Variants in RAPGEF1 observed in about 807,000 individuals in gnomAD.
The protein encoded by RAPGEF1 is Rap guanine nucleotide exchange factor 1, also known as CRK SH3-binding GNRP.
In RAPGEF1, 33 loss-of-function variants were observed where a neutral mutation model predicts 143.3. The observed-to-expected ratio is 0.23, with a 90% CI of 0.17 to 0.31. RAPGEF1 has a LOEUF of 0.31. Ranked by LOEUF, RAPGEF1 falls within the 10% of genes least tolerant of loss-of-function variation. RAPGEF1 has a pLI of 1.00. For missense variants in RAPGEF1, 1,199 were observed against 1,645.4 expected (o/e 0.73, Z 4.69); for synonymous variants, 629 against 676.5 (o/e 0.93, Z 1.09).
chr9:131,678,846 A>G (rs1306676797), intron 1 of RAPGEF1, among the ~76,000 whole-genome samples: 1 of 151,998 alleles, frequency 6.6e-6, no homozygotes, highest in Non-Finnish European at 1.5e-5. Flanking sequence ...TCCTCAGAGC[A>G]CCTTTCTTCA....
intron 1 of RAPGEF1, among the ~76,000 whole-genome samples, chr9:131,668,276 G>A (rs1007291785): frequency 6.6e-6 from 1 of 152,146 alleles, no homozygotes; most frequent in African/African-American, 2.4e-5. Context: ...TTCCCTCCCG[G>A]AGCCCAATCA....
intron 12 of RAPGEF1, among the ~76,000 whole-genome samples, chr9:131,607,583 G>C (rs146569009): frequency 5.5e-4 from 83 of 152,164 alleles, no homozygotes; most frequent in African/African-American, 1.8e-3. Context: ...CGTGCTGCTG[G>C]GGGGGCTGCC....
chr9:131,598,968 G>A (rs1396561151), intron 15 of RAPGEF1, among the ~76,000 whole-genome samples: 1 of 151,932 alleles, frequency 6.6e-6, no homozygotes, highest in Non-Finnish European at 1.5e-5. Flanking sequence ...GGGATTACAG[G>A]CACATGCCAC....
intron 1 of RAPGEF1, among the ~76,000 whole-genome samples, chr9:131,721,389 G>A (rs1476708398): frequency 6.6e-6 from 1 of 152,092 alleles, no homozygotes; most frequent in Non-Finnish European, 1.5e-5. Flanking sequence ...TCTGGTGTCC[G>A]GATATCTAAC....
Position 131,628,798 on chromosome 9 carries a change from A to T in RAPGEF1, c.894-126T>A. Reference sequence around the variant, plus strand: ...TCTCCACACCCAATGTTCACACTTCAACTCCTGCCTACTCCCCTCCGCCAA... The same window carrying T: ...TCTCCACACCCAATGTTCACACTTCTACTCCTGCCTACTCCCCTCCGCCAA... On this transcript the variant is annotated intron_variant, in intron 7 of 26. Transcript: ENST00000683357. The surrounding 1 kb of genome is among the most constrained non-coding windows in gnomAD (Gnocchi z 5.7). 5.4e-6 allele frequency: 7 copies of T among 1,293,178 alleles called. No individual in the cohort carries two copies. The highest frequency in any genetic ancestry group is 7.4e-6 in the Non-Finnish European group (7 of 946,238). 80.1% of individuals were successfully genotyped at this position (1,293,178 alleles called of 1,614,324 possible). A position where few individuals can be genotyped will look rare whatever the true frequency, so the allele number is the denominator to read the frequency against.
intron 1 of RAPGEF1, among the ~76,000 whole-genome samples, chr9:131,716,439 GA>G (rs1415233042): frequency 1.3e-5 from 2 of 152,174 alleles, no homozygotes; most frequent in African/African-American, 4.8e-5. Context: ...AGACTTGGTG[GA>G]AAGTCTAAAT....
intron 1 of RAPGEF1, among the ~76,000 whole-genome samples, chr9:131,696,046 C>T (rs1005984079): frequency 3.3e-5 from 5 of 152,178 alleles, no homozygotes; most frequent in African/African-American, 1.2e-4. Flanking sequence ...GAGCTGCTTC[C>T]CTTCCCTGTG....
chr9:131,629,958 CATT>C, intron 6 of RAPGEF1, among the ~76,000 whole-genome samples: 1 of 152,188 alleles, frequency 6.6e-6, no homozygotes, highest in African/African-American at 2.4e-5. Flanking sequence ...AGTTCTTTGT[CATT>C]ATGAAACGAA....
intron 12 of RAPGEF1, among the ~76,000 whole-genome samples, chr9:131,618,192 T>G (rs1959402567): frequency 6.6e-6 from 1 of 152,260 alleles, no homozygotes; most frequent in Non-Finnish European, 1.5e-5. Context: ...CTAAGGGGCC[T>G]TGCACGCTTC....
intron 5 of RAPGEF1, among the ~76,000 whole-genome samples, chr9:131,632,254 G>A (rs1250417845): frequency 2.0e-5 from 3 of 151,284 alleles, no homozygotes; most frequent in African/African-American, 4.9e-5. Flanking sequence ...TCAGCCTCCC[G>A]AGTAGCTGGG....
In RAPGEF1 at chr9:131,669,912, T is replaced by C. The variant is rs185125367; in HGVS notation, c.62-18963A>G. 5.3e-5 allele frequency among the ~76,000 whole-genome samples: 8 copies of C among 152,246 alleles called. 1 individual carries two copies. The highest frequency in any genetic ancestry group is 1.9e-4 in the African/African-American group (8 of 41,538). On this transcript the variant is annotated intron_variant, in intron 1 of 26. Transcript: ENST00000683357. ...ACAGGGAGTTGTATCAGGTGCTGAG[T>C]AACACAAGGCCCTGCCCACGTGGAG...
intron 1 of RAPGEF1, among the ~76,000 whole-genome samples, chr9:131,722,839 C>T (rs1055628297): frequency 6.6e-6 from 1 of 151,954 alleles, no homozygotes; most frequent in African/African-American, 2.4e-5. Context: ...GCACTCCAGC[C>T]TGGATAACAG....
Position 131,619,131 on chromosome 9 carries a change from C to T in RAPGEF1, c.1981G>A (p.Asp661Asn). The change falls in exon 12 of 27, where the codon GAC becomes AAC. Residue 661 changes from aspartate to asparagine, a missense_variant. Asp to Asn is a conservative substitution (Grantham distance 23). Around this residue, in one of 6 missense-constraint regions of RAPGEF1, gnomAD observed 293 missense variants for 356.2 expected, o/e 0.82. Coordinates refer to ENST00000683357, the MANE Select transcript of RAPGEF1 (RefSeq NM_001377935.1). ...QQTKVAFTPEDGSAAQGLSVS... is the reference protein window; with the variant it reads ...QQTKVAFTPENGSAAQGLSVS... ...CTGAGGCCCTGAGCGGCACTGCCGTCCTCGGGGGTGAAGGCCACTTTAGTT... is the reference window on the plus strand; with the variant it reads ...CTGAGGCCCTGAGCGGCACTGCCGTTCTCGGGGGTGAAGGCCACTTTAGTT... 1 of 1,333,888 alleles carries T rather than the reference C, an allele frequency of 7.5e-7. No homozygotes were observed. The highest frequency in any genetic ancestry group is 9.9e-7 in the Non-Finnish European group (1 of 1,006,192). The allele number at this position is 1,333,888 out of a possible 1,614,324, so 82.6% of individuals were successfully genotyped here.
chr9:131,649,200 A>ATTTTTTTTTT (rs55813422), intron 3 of RAPGEF1, among the ~76,000 whole-genome samples: 8 of 87,236 alleles, frequency 9.2e-5, no homozygotes, highest in Non-Finnish European at 1.3e-4. Context: ...GCCTGGCTAA[A>ATTTTTTTTTT]TTTTTTTTTT....
chr9:131,725,889 G>T (rs961168943), intron 1 of RAPGEF1, among the ~76,000 whole-genome samples: 1 of 151,642 alleles, frequency 6.6e-6, no homozygotes, highest in Admixed American at 6.6e-5. Context: ...CTCCCGAGTA[G>T]CTGGGACTAC....
At chr9:131,580,187 G>T in intron 26 of RAPGEF1, 76 bp downstream of exon 26, 1 of 1,565,344 alleles carries the variant, frequency 6.4e-7, no homozygotes, top group Non-Finnish European at 8.7e-7. Context: ...CCTCCCCTCG[G>T]TGTCCCGGGC....
chr9:131,725,071 C>T (rs1001968890), intron 1 of RAPGEF1: 3 of 152,254 alleles, frequency 2.0e-5, no homozygotes, highest in African/African-American at 4.8e-5. Context: ...TGAAAACAGC[C>T]ATCCTCATGG....
At chr9:131,685,203 A>G (rs1833239419) in intron 1 of RAPGEF1, among the ~76,000 whole-genome samples, 1 of 152,222 alleles carries the variant, frequency 6.6e-6, no homozygotes, top group Admixed American at 6.5e-5. Context: ...TTGTCTTTGT[A>G]CAGTCTGCAG....
rs1391989420 is a variant in RAPGEF1 at position 131,583,668 on chromosome 9, C to T, written c.3414+643G>A. On this transcript the variant is annotated intron_variant, in intron 24 of 26. Transcript: ENST00000683357. This position sits in a 1 kb window ranked among gnomAD's most constrained non-coding sequence, Gnocchi z 4.7. ...TTATTTCCCTACACAGGATAAAGGT[C>T]CAACTCCTCACCAGGCTCCTGAGGC... is the stretch of plus-strand genomic sequence containing the variant. 6.6e-6 allele frequency among the ~76,000 whole-genome samples: 1 copy of T among 152,184 alleles called. No homozygotes were observed. The highest frequency in any genetic ancestry group is 1.5e-5 in the Non-Finnish European group (1 of 68,030).
Sources: gnomAD v4.1 joint callset for allele counts (sites outside exome capture counted in the v4.1 genomes callset) on GRCh38, gnomAD v4.1.1 for gene constraint, gnomAD v4.1.1 regional missense constraint, Gnocchi (gnomAD v3.1) non-coding constraint, MANE v1.5 for transcripts, NCBI Gene and HGNC (gene_info 2026-07-23, HGNC 2026-07-21) for gene names.